KIN: variants seen among roughly 807,000 people sequenced by gnomAD.
KIN encodes the protein DNA/RNA-binding protein KIN17.
In KIN, 47 loss-of-function variants were observed where a neutral mutation model predicts 63.0. The observed-to-expected ratio is 0.75, with a 90% CI of 0.59 to 0.95. KIN has a LOEUF of 0.95. KIN is among the 40% of genes least tolerant of loss of function. The pLI is 0.00. For missense variants in KIN, 408 were observed against 460.9 expected (o/e 0.89, Z 1.05); for synonymous variants, 160 against 157.7 (o/e 1.01, Z -0.11).
At chr10:7,786,512 A>G (rs777273659) in intron 1 of KIN, among the ~76,000 whole-genome samples, 1 of 152,104 alleles carries the variant, frequency 6.6e-6, no homozygotes, top group Non-Finnish European at 1.5e-5. Context: ...AGGGAATGGA[A>G]TTAAAAGGTG....
chr10:7,766,266 C>T, intron 8 of KIN, 163 bp from the exon 9 acceptor site: 2 of 493,890 alleles, frequency 4.0e-6, no homozygotes, highest in Non-Finnish European at 3.5e-6. Flanking sequence ...ATAAACATTA[C>T]TTGTCATTAG....
At chr10:7,787,715 G>A (rs1836055474) in intron 1 of KIN, 105 bp downstream of exon 1, 6 of 855,222 alleles carry the variant, frequency 7.0e-6, no homozygotes, top group South Asian at 4.0e-5. Flanking sequence ...TCACGACCCG[G>A]ACCCCGGGAG....
intron 11 of KIN, among the ~76,000 whole-genome samples, chr10:7,760,200 T>C (rs940984874): frequency 6.6e-6 from 1 of 152,124 alleles, no homozygotes; most frequent in African/African-American, 2.4e-5. Flanking sequence ...TTCTCATTTT[T>C]CCCCCAATTA....
chr10:7,775,946 CG>C (rs1406658202), intron 5 of KIN, 147 bp from the exon 6 acceptor site: 2 of 484,412 alleles, frequency 4.1e-6, no homozygotes, highest in East Asian at 7.2e-5. Flanking sequence ...TACATGCTTT[CG>C]GCCAGGCGCG....
In KIN at chr10:7,753,963, G is replaced by A. The variant is rs1835282664; in HGVS notation, c.*2117C>T. 13 of 443,234 alleles carry A rather than the reference G, an allele frequency of 2.9e-5. No individual in the cohort carries two copies. Among genetic ancestry groups the A allele is most frequent in the South Asian group, 1.4e-4 (9 of 62,834 alleles). 27.5% of individuals were successfully genotyped at this position (443,234 alleles called of 1,614,324 possible). On this transcript the variant is annotated 3_prime_UTR_variant, in exon 13 of 13. Transcript: ENST00000379562. ...GTTTGGCACCATACCTGTGTCTGACGTCAGCTTATACCCATCCTCATGTTT... is the reference window on the plus strand; with the variant it reads ...GTTTGGCACCATACCTGTGTCTGACATCAGCTTATACCCATCCTCATGTTT...
At position 7,751,013 on chromosome 10, in the gene KIN, C is replaced by T. The variant is rs1264004052; in HGVS notation, c.*5067G>A. On this transcript the variant is annotated 3_prime_UTR_variant, in exon 13 of 13. Coordinates refer to ENST00000379562, the MANE Select transcript of KIN (RefSeq NM_012311.4). ...TCAAAATAAAGTAGTAAATTATGTT[C>T]TAACAAAAGACCAATGACATTTATA... 6.6e-6 allele frequency: 1 copy of T among 152,104 alleles called. No individual in the cohort carries two copies. The highest frequency in any genetic ancestry group is 1.5e-5 in the Non-Finnish European group (1 of 68,018). 9.4% of individuals were successfully genotyped at this position (152,104 alleles called of 1,614,324 possible).
At chr10:7,785,638 C>G (rs1588490423) in intron 1 of KIN, among the ~76,000 whole-genome samples, 1 of 152,142 alleles carries the variant, frequency 6.6e-6, no homozygotes, top group East Asian at 1.9e-4. Context: ...ACCAAAAATA[C>G]AAACATTAGC....
At chr10:7,757,703 T>C (rs1835359078) in intron 12 of KIN, among the ~76,000 whole-genome samples, 1 of 152,082 alleles carries the variant, frequency 6.6e-6, no homozygotes, top group African/African-American at 2.4e-5. Flanking sequence ...TTTAAAGGAA[T>C]TAAGTTCCCA....
intron 4 of KIN, 126 bp from the exon 5 acceptor site, chr10:7,779,145 C>T: frequency 3.7e-6 from 4 of 1,080,350 alleles, no homozygotes; most frequent in South Asian, 3.2e-5. Context: ...CAGTGGCTTA[C>T]ACCTGTAATC....
chr10:7,783,179 C>CA lies in KIN; in HGVS notation c.115-5dup, dbSNP rs750253158. ...TACAATGACACTTAAAGCCATTCTA[C>CA]AAAAAATGTAAAAGCAATAAATTCT... On this transcript the variant is annotated splice_region_variant and splice_polypyrimidine_tract_variant and intron_variant, in intron 1 of 12. Coordinates refer to ENST00000379562, the MANE Select transcript of KIN (RefSeq NM_012311.4). The CA allele has an allele frequency of 5.8e-6, 9 of 1,549,396 alleles. No individual in the cohort carries two copies. Among genetic ancestry groups the CA allele is most frequent in the Admixed American group, 5.7e-5 (3 of 53,062 alleles).
chr10:7,763,715 G>A lies in KIN; in HGVS notation c.918+8C>T, dbSNP rs758916982. On this transcript the variant is annotated splice_region_variant and intron_variant, in intron 10 of 12. Coordinates refer to ENST00000379562, the MANE Select transcript of KIN (RefSeq NM_012311.4). ...TCACAAATTCCATTCATAATTGCAC[G>A]TCCTTACCTTAACAATAGCCTTTTT... 18 of 1,443,588 alleles carry A rather than the reference G, an allele frequency of 1.2e-5. No homozygotes were observed. The highest frequency in any genetic ancestry group is 2.9e-5 in the African/African-American group (2 of 69,866). 89.4% of individuals were successfully genotyped at this position (1,443,588 alleles called of 1,614,324 possible).
Position 7,751,906 on chromosome 10 carries a change from G to A in KIN, c.*4174C>T, listed in dbSNP as rs1475505107. On this transcript the variant is annotated 3_prime_UTR_variant, in exon 13 of 13. Transcript: ENST00000379562. ...AAAAATTAGCCGGGCGCGGTGGCGG[G>A]CGCCTGTAGTCCCAGCTACTCGGGA... 3 of 1,822 alleles carry A rather than the reference G, an allele frequency of 1.6e-3. 1 individual carries two copies. Among genetic ancestry groups the A allele is most frequent in the African/African-American group, 2.5e-3 (1 of 398 alleles). 0.1% of individuals were successfully genotyped at this position (1,822 alleles called of 1,614,324 possible).
rs766722537 is a variant in KIN at position 7,774,221 on chromosome 10, G to A, written c.668+610C>T. Among the ~76,000 whole-genome samples the A allele has an allele frequency of 2.3e-3, 347 of 152,182 alleles. 3 individuals are homozygous for A. Among genetic ancestry groups the A allele is most frequent in the Non-Finnish European group, 1.0e-3 (71 of 68,036 alleles). ...CCTGTGCTAGACTACCTAGAAGGGC[G>A]GGCAATGACTACTGAGTGTTTCCTG... is the stretch of plus-strand genomic sequence containing the variant. On this transcript the variant is annotated intron_variant, in intron 7 of 12. Transcript: ENST00000379562.
chr10:7,782,962 G>A lies in KIN; in HGVS notation c.209+119C>T, dbSNP rs996742199. ...CAAAAGAAGATAAAAACTGAGCATAGAGAGAATACAGTTAACATATAAGAA... is the reference window on the plus strand; with the variant it reads ...CAAAAGAAGATAAAAACTGAGCATAAAGAGAATACAGTTAACATATAAGAA... On this transcript the variant is annotated intron_variant, in intron 2 of 12. Transcript: ENST00000379562. The A allele has an allele frequency of 5.4e-5, 24 of 446,450 alleles. No homozygotes were observed. In the East Asian group the frequency reaches 7.7e-4, roughly 14 times the overall value. The allele number at this position is 446,450 out of a possible 1,614,324, so 27.7% of individuals were successfully genotyped here. A position where few individuals can be genotyped will look rare whatever the true frequency, so the allele number is the denominator to read the frequency against.
chr10:7,766,282 G>T, intron 8 of KIN, 179 bp from the exon 9 acceptor site: 1 of 473,624 alleles, frequency 2.1e-6, no homozygotes, highest in African/African-American at 2.0e-5. Flanking sequence ...ATTAGTTTTT[G>T]ATTTAAAAAA....
Position 7,784,347 on chromosome 10 carries a change from C to T in KIN, c.115-1172G>A, listed in dbSNP as rs902316350. On this transcript the variant is annotated intron_variant, in intron 1 of 12. Coordinates refer to ENST00000379562, the MANE Select transcript of KIN (RefSeq NM_012311.4). ...CCTGTAATCCCAGCACTTTGGGAGG[C>T]CAAGGCAGGAGGATTGTGTGAGCCT... 2.0e-5 allele frequency among the ~76,000 whole-genome samples: 3 copies of T among 152,192 alleles called. No individual in the cohort carries two copies. In the East Asian group the frequency reaches 5.8e-4, roughly 29 times the overall value.
rs1214364945 is a variant in KIN at position 7,761,963 on chromosome 10, C to A, written c.1018+494G>T. 3.3e-5 allele frequency among the ~76,000 whole-genome samples: 5 copies of A among 151,968 alleles called. No homozygotes were observed. The East Asian group carries it at 9.7e-4, about 29-fold the overall frequency. ...TTGCAGTAAGTCAAGATCGTGCCGC[C>A]ACACTCCAGCCTGGGTGACAGAGTG... On this transcript the variant is annotated intron_variant, in intron 11 of 12. Coordinates refer to ENST00000379562, the MANE Select transcript of KIN (RefSeq NM_012311.4).
intron 6 of KIN, among the ~76,000 whole-genome samples, 184 bp from the exon 7 acceptor site, chr10:7,775,075 C>G (rs1427220631): frequency 1.3e-5 from 2 of 152,190 alleles, no homozygotes; most frequent in African/African-American, 4.8e-5. Flanking sequence ...AGCCATAGAA[C>G]AGGAGGAACT....
intron 1 of KIN, among the ~76,000 whole-genome samples, chr10:7,784,040 GTTA>G (rs1313178460): frequency 6.6e-6 from 1 of 152,078 alleles, no homozygotes; most frequent in Non-Finnish European, 1.5e-5. Flanking sequence ...AAGAATCATA[GTTA>G]TTATTTAAAT....
Sources: allele counts gnomAD v4.1 joint callset (sites outside exome capture counted in the v4.1 genomes callset), GRCh38; gene constraint gnomAD v4.1.1; transcripts MANE v1.5; gene names NCBI Gene and HGNC (gene_info 2026-07-23, HGNC 2026-07-21).